The following TRIO variants were observed in gnomAD, a reference collection of about 807,000 sequenced individuals.
TRIO encodes the protein trio Rho guanine nucleotide exchange factor.
In TRIO, 58 loss-of-function variants were observed where a neutral mutation model predicts 351.9. That is an observed-to-expected ratio of 0.16 (90% confidence interval 0.13 to 0.21). TRIO has a LOEUF of 0.21. TRIO is among the 10% of genes least tolerant of loss of function. The pLI is 1.00. For missense variants in TRIO, 3,201 were observed against 4,027.8 expected, an observed-to-expected ratio of 0.79 and a Z score of 5.56; for synonymous variants, 1,758 against 1,595.7, an observed-to-expected ratio of 1.10 and a Z score of -2.42.
intron 1 of TRIO, among the ~76,000 whole-genome samples, chr5:14,223,771 T>G (rs1792803609): frequency 6.6e-6 from 1 of 152,204 alleles, no homozygotes; most frequent in African/African-American, 2.4e-5. Flanking sequence ...GCACATGTGC[T>G]TCCTCTCTTT....
In TRIO at chr5:14,364,652, G is replaced by A. The variant is rs370010304; in HGVS notation, c.2590G>A (p.Val864Met). 6.2e-7 allele frequency: 1 copy of A among 1,613,100 alleles called. No individual in the cohort carries two copies. The highest frequency in any genetic ancestry group is 8.5e-7 in the Non-Finnish European group (1 of 1,179,458). ...GGGTCTCCCTTTAATGTCCACAGGT[G>A]TGGAGCTGCTGTGTGATAGAGATGT... ...QYVNEVQASG[V>M]ELLCDRDVDM... is the part of the protein sequence containing the mutation. Residue 864 changes from valine (V) to methionine (M), a missense_variant and splice_region_variant, in exon 15 of 57, where the codon GTG (valine) becomes ATG (methionine). Transcript: ENST00000344204.
chr5:14,159,482 G>C (rs1346899564), intron 1 of TRIO, among the ~76,000 whole-genome samples: 2 of 152,016 alleles, frequency 1.3e-5, no homozygotes, highest in South Asian at 4.1e-4. Context: ...GAAGGGAGAG[G>C]CAACTTTCTG....
chr5:14,390,492 C>G (rs1579512410), intron 26 of TRIO, 192 bp downstream of exon 26: 1 of 606,292 alleles, frequency 1.6e-6, no homozygotes, highest in East Asian at 2.8e-5. Context: ...TTTATTGGCC[C>G]TGGTGATGGT....
intron 48 of TRIO, among the ~76,000 whole-genome samples, chr5:14,491,813 C>A (rs1756508911): frequency 6.6e-6 from 1 of 152,186 alleles, no homozygotes; most frequent in Non-Finnish European, 1.5e-5. Flanking sequence ...GTTCCCAAAG[C>A]TTGAGTCACA....
chr5:14,495,754 G>C (rs1409568366), intron 49 of TRIO, among the ~76,000 whole-genome samples: 1 of 151,274 alleles, frequency 6.6e-6, no homozygotes, highest in Non-Finnish European at 1.5e-5. Context: ...GGATCACGAG[G>C]TCAAGAGATC....
chr5:14,366,880 C>T lies in TRIO; in HGVS notation c.2775C>T (p.Asn925=), dbSNP rs370683728. 40 of 1,614,044 alleles carry T rather than the reference C, an allele frequency of 2.5e-5. No homozygotes were observed. The highest frequency in any genetic ancestry group is 2.1e-4 in the South Asian group (19 of 91,090). The change falls in exon 16 of 57, where the codon AAC becomes AAT. Residue 925 remains asparagine (N), a synonymous_variant. Coordinates refer to ENST00000344204, the MANE Select transcript of TRIO (RefSeq NM_007118.4). The part of the protein sequence containing the change: ...EVKQVLGWIR[N]GESMLNAGLI... ...TTCAGGTGCTGGGTTGGATCCGCAA[C>T]GGAGAGTCCATGTTAAATGCCGGAC...
chr5:14,242,610 T>A (rs1794194330), intron 1 of TRIO, among the ~76,000 whole-genome samples: 1 of 152,198 alleles, frequency 6.6e-6, no homozygotes, highest in South Asian at 2.1e-4. Flanking sequence ...GGTCTCACTG[T>A]GTCACCCAGG....
chr5:14,276,304 G>A (rs1056402621), intron 2 of TRIO, among the ~76,000 whole-genome samples: 2 of 152,310 alleles, frequency 1.3e-5, no homozygotes, highest in South Asian at 2.1e-4. Context: ...GGGAACTGGC[G>A]GGACTTTTCA....
At chr5:14,169,062 T>A (rs1561157753) in intron 1 of TRIO, among the ~76,000 whole-genome samples, 1 of 152,174 alleles carries the variant, frequency 6.6e-6, no homozygotes, top group African/African-American at 2.4e-5. Flanking sequence ...GCTTTTTAAT[T>A]GGGTTATTTG....
At chr5:14,218,121 T>C (rs1347319273) in intron 1 of TRIO, among the ~76,000 whole-genome samples, 1 of 152,202 alleles carries the variant, frequency 6.6e-6, no homozygotes, top group Non-Finnish European at 1.5e-5. Flanking sequence ...AATGCAACTT[T>C]TGCAAAGTAA....
intron 34 of TRIO, among the ~76,000 whole-genome samples, chr5:14,426,115 A>G (rs912386324): frequency 1.3e-5 from 2 of 152,198 alleles, no homozygotes; most frequent in Non-Finnish European, 2.9e-5. Context: ...TAAAACATAA[A>G]TGTTACCATA....
At chr5:14,370,123 CT>C (rs56791314) in intron 18 of TRIO, among the ~76,000 whole-genome samples, 613 of 143,940 alleles carry the variant, frequency 4.3e-3, no homozygotes, top group Middle Eastern at 7.2e-3. Context: ...TTCTTTCTTT[CT>C]TTTTTTTTTT....
intron 34 of TRIO, among the ~76,000 whole-genome samples, chr5:14,422,718 A>G (rs1750282798): frequency 6.6e-6 from 1 of 152,244 alleles, no homozygotes; most frequent in Non-Finnish European, 1.5e-5. Context: ...GGGAGAGGAT[A>G]AAAATACAGC....
chr5:14,284,353 T>C (rs1736264542), intron 3 of TRIO, among the ~76,000 whole-genome samples: 1 of 152,192 alleles, frequency 6.6e-6, no homozygotes, highest in Admixed American at 6.5e-5. Context: ...TAGGTGCTCA[T>C]AAATAGGACC....
Position 14,297,289 on chromosome 5 carries a change from C to T in TRIO, c.1368+26C>T, listed in dbSNP as rs374000710. ...GTCAGTGCCTTGAACCCCCAGCCCACGAGGTGGTAACCAGAATAGTTCTTC... is the reference window on the plus strand; with the variant it reads ...GTCAGTGCCTTGAACCCCCAGCCCATGAGGTGGTAACCAGAATAGTTCTTC... On this transcript the variant is annotated intron_variant, in intron 7 of 56. Transcript: ENST00000344204. The T allele has an allele frequency of 1.4e-5, 23 of 1,603,580 alleles. No homozygotes were observed. The African/African-American group carries it at 1.5e-4, about 10-fold the overall frequency.
chr5:14,493,483 C>A (rs1436544494), intron 49 of TRIO, among the ~76,000 whole-genome samples: 2 of 152,014 alleles, frequency 1.3e-5, no homozygotes, highest in Non-Finnish European at 2.9e-5. Flanking sequence ...TCTGATGTTA[C>A]CATTATAATT....
chr5:14,492,403 G>T, intron 48 of TRIO, 164 bp from the exon 49 acceptor site: 1 of 863,088 alleles, frequency 1.2e-6, no homozygotes, highest in South Asian at 1.8e-5. Flanking sequence ...GATGCACACA[G>T]TTAGCCAGAG....
intron 34 of TRIO, among the ~76,000 whole-genome samples, chr5:14,428,470 A>G (rs1321585373): frequency 6.6e-6 from 1 of 152,190 alleles, no homozygotes; most frequent in Non-Finnish European, 1.5e-5. Context: ...GAAAGACCAA[A>G]GAACATGGAG....
chr5:14,491,537 C>G (rs893248386), intron 48 of TRIO, among the ~76,000 whole-genome samples: 2 of 152,232 alleles, frequency 1.3e-5, no homozygotes, highest in Non-Finnish European at 2.9e-5. Context: ...TGCATTTCTT[C>G]TCCACCCAGA....
Sources: allele counts gnomAD v4.1 joint callset (sites outside exome capture counted in the v4.1 genomes callset), GRCh38; gene constraint gnomAD v4.1.1; transcripts MANE v1.5; gene names NCBI Gene and HGNC (gene_info 2026-07-23, HGNC 2026-07-21).